The following GOSR2 variants were observed in gnomAD, a reference collection of about 807,000 sequenced individuals.
GOSR2 encodes the protein golgi SNAP receptor complex member 2.
In GOSR2, 20 loss-of-function variants were observed where a neutral mutation model predicts 27.9. The observed-to-expected ratio is 0.72, with a 90% CI of 0.50 to 1.04. The LOEUF is 1.04. Among genes scored for constraint, GOSR2 ranks in the 50% least tolerant of loss-of-function variants. The pLI, the probability that GOSR2 is intolerant of heterozygous loss-of-function variation, is 0.00. For synonymous variants in GOSR2, 91 were observed against 98.8 expected (o/e 0.92, Z 0.47); for missense variants, 261 against 270.5 (o/e 0.97, Z 0.25).
intron 6 of GOSR2, among the ~76,000 whole-genome samples, chr17:46,961,919 C>T (rs1213979482): frequency 1.3e-5 from 2 of 152,128 alleles, no homozygotes; most frequent in Non-Finnish European, 2.9e-5. Flanking sequence ...TAGGGGCTGA[C>T]CAATGATTCC....
intron 1 of GOSR2, 104 bp from the exon 2 acceptor site, chr17:46,929,416 C>A (rs1415597086): frequency 9.4e-6 from 7 of 741,456 alleles, no homozygotes; most frequent in Non-Finnish European, 1.7e-5. Context: ...GTGATGCTGT[C>A]GATTTAAATC....
At chr17:46,929,823 G>C (rs2087044307) in intron 2 of GOSR2, 5 of 505,162 alleles carry the variant, frequency 9.9e-6, no homozygotes, top group African/African-American at 1.9e-5. Context: ...GGCCCTATGG[G>C]AATGGAAGCG....
chr17:46,927,796 G>C (rs1399314729), intron 1 of GOSR2, among the ~76,000 whole-genome samples: 1 of 152,136 alleles, frequency 6.6e-6, no homozygotes, highest in African/African-American at 2.4e-5. Flanking sequence ...GGTGGGACAA[G>C]TCATTCCTCC....
chr17:46,942,051 TG>T, downstream of GOSR2: 2 of 647,088 alleles, frequency 3.1e-6, no homozygotes, highest in Non-Finnish European at 3.8e-6. Flanking sequence ...GAGGAGACTT[TG>T]AGGAAATAAC....
chr17:46,959,182 G>C (rs975097642), intron 6 of GOSR2, among the ~76,000 whole-genome samples: 18 of 152,220 alleles, frequency 1.2e-4, no homozygotes, highest in Non-Finnish European at 4.4e-5. Flanking sequence ...AGTGGCAGAA[G>C]TGTCACCTGT....
Position 46,939,608 on chromosome 17 carries a change from C to A in GOSR2, c.*848C>A, listed in dbSNP as rs1438618199. 3 of 985,582 alleles carry A rather than the reference C, an allele frequency of 3.0e-6. No individual in the cohort carries two copies. In the East Asian group the frequency reaches 3.4e-4, roughly 112 times the overall value. 61.1% of individuals were successfully genotyped at this position (985,582 alleles called of 1,614,324 possible). ...TGATTTTCCAATTACAGTCTCAGCTCTAGTTTTAGTATCTCTAATTCTTTG... is the reference window on the plus strand; with the variant it reads ...TGATTTTCCAATTACAGTCTCAGCTATAGTTTTAGTATCTCTAATTCTTTG... On this transcript the variant is annotated 3_prime_UTR_variant, in exon 6 of 6. Transcript: ENST00000640051.
In GOSR2 at chr17:46,931,876, C is replaced by G. The variant is rs950220186; in HGVS notation, c.204-191C>G. The G allele has an allele frequency of 1.7e-5, 11 of 631,834 alleles. No individual in the cohort carries two copies. The African/African-American group carries it at 2.0e-4, about 11-fold the overall frequency. The allele number at this position is 631,834 out of a possible 1,614,324, so 39.1% of individuals were successfully genotyped here. A position where few individuals can be genotyped will look rare whatever the true frequency, so the allele number is the denominator to read the frequency against. On this transcript the variant is annotated intron_variant, in intron 3 of 5. Coordinates refer to ENST00000640051, the MANE Select transcript of GOSR2 (RefSeq NM_004287.5). ...TGGAATCTTGTGTGCTACCATCTCA[C>G]TTTAACCACAAGTTTCTTCTTGACT...
At chr17:46,947,215 T>C (rs2089976372) in intron 6 of GOSR2, among the ~76,000 whole-genome samples, 1 of 152,140 alleles carries the variant, frequency 6.6e-6, no homozygotes, top group East Asian at 1.9e-4. Flanking sequence ...ATGTCCTAGA[T>C]TCTGTGGCCC....
At chr17:46,932,331 C>T (rs774957294) in intron 4 of GOSR2, 132 bp downstream of exon 4, 1 of 1,053,788 alleles carries the variant, frequency 9.5e-7, no homozygotes, top group Non-Finnish European at 1.4e-6. Context: ...CTGGAAATGA[C>T]AGGAACTTTG....
In GOSR2 at chr17:46,931,178, G is replaced by GC. The variant is rs1568170242; in HGVS notation, c.179dup (p.Asn61Ter). 1.9e-6 allele frequency: 3 copies of GC among 1,600,196 alleles called. No individual in the cohort carries two copies. The highest frequency in any genetic ancestry group is 2.6e-6 in the Non-Finnish European group (3 of 1,167,250). ...GTCTGGAGATTTTGTCCAGCAAGGAGCCCCCTAACAAAAGGCAAAATGCCA... is the reference window on the plus strand; with the variant it reads ...GTCTGGAGATTTTGTCCAGCAAGGAGCCCCCCTAACAAAAGGCAAAATGCCA... On this transcript the variant is annotated frameshift_variant, in exon 3 of 6. Transcript: ENST00000640051. LOFTEE classifies it high-confidence loss of function.
In GOSR2 at chr17:46,939,174, A is replaced by G; in HGVS notation, c.*414A>G. On this transcript the variant is annotated 3_prime_UTR_variant, in exon 6 of 6. Coordinates refer to ENST00000640051, the MANE Select transcript of GOSR2 (RefSeq NM_004287.5). The stretch of plus-strand genomic sequence containing the variant: ...TTCTGGCTCCTGATAGGGTGGAGCA[A>G]AAGTGGAAAGGAAAGGAAAGAGGCC... 2 of 1,095,654 alleles carry G rather than the reference A, an allele frequency of 1.8e-6. No homozygotes were observed. The highest frequency in any genetic ancestry group is 2.2e-6 in the Non-Finnish European group (2 of 892,274). The allele number at this position is 1,095,654 out of a possible 1,614,324, so 67.9% of individuals were successfully genotyped here. A position where few individuals can be genotyped will look rare whatever the true frequency, so the allele number is the denominator to read the frequency against.
downstream of GOSR2, among the ~76,000 whole-genome samples, chr17:46,943,118 C>G (rs1473043342): frequency 2.0e-5 from 3 of 152,200 alleles, no homozygotes; most frequent in Non-Finnish European, 4.4e-5. Context: ...GCCGATGGCT[C>G]TAATACAAGA....
chr17:46,940,920 G>C lies in GOSR2; in HGVS notation c.*2160G>C. On this transcript the variant is annotated 3_prime_UTR_variant, in exon 6 of 6. Transcript: ENST00000640051. ...CACACATCTGCTTTCAGTGCCTGGT[G>C]AAAAATAGACCTTGGCCTAACAGTG... is the stretch of plus-strand genomic sequence containing the variant. 7.5e-7 allele frequency: 1 copy of C among 1,325,184 alleles called. No individual in the cohort carries two copies. Among genetic ancestry groups the C allele is most frequent in the South Asian group, 1.5e-5 (1 of 65,230 alleles). 82.1% of individuals were successfully genotyped at this position (1,325,184 alleles called of 1,614,324 possible).
chr17:46,938,823 G>C lies in GOSR2; in HGVS notation c.*63G>C. 6.2e-7 allele frequency: 1 copy of C among 1,610,660 alleles called. No homozygotes were observed. The highest frequency in any genetic ancestry group is 8.5e-7 in the Non-Finnish European group (1 of 1,179,460). On this transcript the variant is annotated 3_prime_UTR_variant, in exon 6 of 6. Coordinates refer to ENST00000640051, the MANE Select transcript of GOSR2 (RefSeq NM_004287.5). ...CCTGCAAGTGTGTGTGTGTGTGAAAGAGAGAGGGGGGCCCAGAGGCCGCCT... is the reference window on the plus strand; with the variant it reads ...CCTGCAAGTGTGTGTGTGTGTGAAACAGAGAGGGGGGCCCAGAGGCCGCCT...
rs9889519 is a variant in GOSR2 at position 46,963,314 on chromosome 17, G to A, written c.584-3220G>A. 7.6e-3 allele frequency among the ~76,000 whole-genome samples: 1,156 copies of A among 152,312 alleles called. 12 individuals carry two copies. Among genetic ancestry groups the A allele is most frequent in the African/African-American group, 0.026 (1,100 of 41,556 alleles). On this transcript the variant is annotated intron_variant, in intron 6 of 6. Coordinates refer to the GOSR2 transcript ENST00000573224. ...AATCCCAGCACTTTGGGAGGCCAAG[G>A]CGGGTGGATCACTTGAGGTCAAGAG...
downstream of GOSR2, among the ~76,000 whole-genome samples, chr17:46,970,277 A>G (rs746383187): frequency 1.2e-4 from 18 of 152,176 alleles, no homozygotes; most frequent in Non-Finnish European, 2.1e-4. Flanking sequence ...GCGGTGGCTC[A>G]CGCCTGTAAT....
intron 6 of GOSR2, among the ~76,000 whole-genome samples, chr17:46,958,571 T>TA (rs2090871407): frequency 6.6e-6 from 1 of 152,200 alleles, no homozygotes; most frequent in Admixed American, 6.5e-5. Flanking sequence ...TTGAGCTGCT[T>TA]AGAGGCCTGG....
At chr17:46,970,215 A>G (rs1215208928), downstream of GOSR2, among the ~76,000 whole-genome samples, 6 of 152,284 alleles carry the variant, frequency 3.9e-5, no homozygotes, top group South Asian at 1.2e-3. Context: ...TACAGCTTCC[A>G]TCCTAAAGCA....
intron 6 of GOSR2, among the ~76,000 whole-genome samples, chr17:46,950,789 C>T (rs980225281): frequency 9.9e-5 from 15 of 152,124 alleles, no homozygotes; most frequent in Non-Finnish European, 1.0e-4. Context: ...CTGATGAGAT[C>T]AAAACTGTCC....
Sources: gnomAD v4.1 joint callset for allele counts (sites outside exome capture counted in the v4.1 genomes callset) on GRCh38, gnomAD v4.1.1 for gene constraint, MANE v1.5 for transcripts, NCBI Gene and HGNC (gene_info 2026-07-23, HGNC 2026-07-21) for gene names.